Variants in FSTL4 observed in about 807,000 individuals in gnomAD.
FSTL4 encodes the protein follistatin like 4, also known as follistatin-related protein 4.
Under a neutral mutation model 78.2 loss-of-function variants are expected in FSTL4, and 28 were observed. That is an observed-to-expected ratio of 0.36 (90% CI 0.27 to 0.49). The LOEUF (loss-of-function observed/expected upper bound fraction) is 0.49. Among genes scored for constraint, FSTL4 ranks in the 20% least tolerant of loss-of-function variants. The pLI is 0.98. For synonymous variants in FSTL4, 422 were observed against 440.5 expected, an observed-to-expected ratio of 0.96 and a Z score of 0.53; for missense variants, 922 against 1,084.9, an observed-to-expected ratio of 0.85 and a Z score of 2.11.
chr5:133,538,596 A>T (rs73788135), intron 3 of FSTL4, among the ~76,000 whole-genome samples: 3 of 151,368 alleles, frequency 2.0e-5, no homozygotes, highest in African/African-American at 7.3e-5. Flanking sequence ...TATATTTCTT[A>T]TCTGGCATTC....
At chr5:133,405,724 C>T (rs1756347387) in intron 3 of FSTL4, among the ~76,000 whole-genome samples, 1 of 152,204 alleles carries the variant, frequency 6.6e-6, no homozygotes, top group Admixed American at 6.5e-5. Flanking sequence ...GAGTGCCTGT[C>T]AGTGTCGACT....
the FSTL4 span, among the ~76,000 whole-genome samples, chr5:133,709,220 G>C: frequency 1.3e-5 from 2 of 152,218 alleles, no homozygotes; most frequent in African/African-American, 4.8e-5. Context: ...TAAGAAGATG[G>C]GGAGGAAATG....
At chr5:133,721,051 GT>G in the FSTL4 span, 1 of 152,084 alleles carries the variant, frequency 6.6e-6, no homozygotes, top group African/African-American at 2.4e-5. Context: ...CCTCTCTGTG[GT>G]TTTAATTTGC....
the FSTL4 span, among the ~76,000 whole-genome samples, chr5:133,655,112 C>T: frequency 1.3e-5 from 2 of 152,212 alleles, no homozygotes; most frequent in Non-Finnish European, 2.9e-5. Context: ...TCCCCTACAC[C>T]TATTTCCTCC....
Position 133,567,124 on chromosome 5 carries a change from A to G in FSTL4, c.160+62T>C. 3 of 1,192,274 alleles carry G rather than the reference A, an allele frequency of 2.5e-6. No individual in the cohort carries two copies. The South Asian group carries it at 3.6e-5, about 14-fold the overall frequency. 73.9% of individuals were successfully genotyped at this position (1,192,274 alleles called of 1,614,324 possible). A position where few individuals can be genotyped will look rare whatever the true frequency, so the allele number is the denominator to read the frequency against. On this transcript the variant is annotated intron_variant, in intron 3 of 15. Transcript: ENST00000265342. ...ACAGTCTGAAGTTCATCTTAGTTTC[A>G]GCAAACTACTTCAAAAATGTCAACA... is the stretch of plus-strand genomic sequence containing the variant.
chr5:133,530,730 C>A (rs1759233778), intron 3 of FSTL4, among the ~76,000 whole-genome samples: 1 of 152,156 alleles, frequency 6.6e-6, no homozygotes, highest in Non-Finnish European at 1.5e-5. Context: ...CAACAGGGAC[C>A]CTTCACCATG....
At chr5:133,309,909 T>C (rs1377300831) in intron 6 of FSTL4, among the ~76,000 whole-genome samples, 1 of 152,238 alleles carries the variant, frequency 6.6e-6, no homozygotes, top group Non-Finnish European at 1.5e-5. Context: ...GTTTTTAAAA[T>C]TAAATCCAGA....
chr5:133,321,675 G>A (rs1754057442), intron 4 of FSTL4, among the ~76,000 whole-genome samples: 1 of 152,258 alleles, frequency 6.6e-6, no homozygotes, highest in African/African-American at 2.4e-5. Context: ...GCCATAAGGA[G>A]CCCTGAGCTG....
At chr5:133,235,330 C>A (rs1751624772) in intron 7 of FSTL4, among the ~76,000 whole-genome samples, 1 of 151,712 alleles carries the variant, frequency 6.6e-6, no homozygotes, top group African/African-American at 2.4e-5. Flanking sequence ...AAATACAAAA[C>A]AAACAAACAA....
chr5:133,605,887 C>T (rs1453251018), intron 1 of FSTL4, among the ~76,000 whole-genome samples: 1 of 152,076 alleles, frequency 6.6e-6, no homozygotes, highest in African/African-American at 2.4e-5. Flanking sequence ...AGCACCTGCC[C>T]CACACTCTGA....
At chr5:133,788,720 C>T in the FSTL4 span, among the ~76,000 whole-genome samples, 2 of 152,354 alleles carry the variant, frequency 1.3e-5, no homozygotes, top group East Asian at 1.9e-4. Context: ...TAAACACTTC[C>T]ACTACTTCTG....
the FSTL4 span, among the ~76,000 whole-genome samples, chr5:133,801,181 G>T: frequency 2.0e-5 from 3 of 152,046 alleles, no homozygotes; most frequent in Non-Finnish European, 4.4e-5. Context: ...CCACACATTG[G>T]TGCCCACTGC....
chr5:133,306,002 C>T (rs1753646913), intron 6 of FSTL4, among the ~76,000 whole-genome samples: 1 of 152,246 alleles, frequency 6.6e-6, no homozygotes, highest in Non-Finnish European at 1.5e-5. Flanking sequence ...CGGTGGTCTT[C>T]CTTCCGCATT....
At chr5:133,581,291 T>C (rs1760400576) in intron 2 of FSTL4, among the ~76,000 whole-genome samples, 1 of 152,220 alleles carries the variant, frequency 6.6e-6, no homozygotes, top group African/African-American at 2.4e-5. Context: ...CTGGCCCATC[T>C]GAGAATCCCA....
Position 133,334,526 on chromosome 5 carries a change from C to T in FSTL4, c.410-17874G>A, listed in dbSNP as rs1754421583. Among the ~76,000 whole-genome samples the T allele has an allele frequency of 2.0e-5, 3 of 152,056 alleles. No homozygotes were observed. The South Asian group carries it at 6.3e-4, about 32-fold the overall frequency. The stretch of plus-strand genomic sequence containing the variant: ...CACTGGTAAGATTCTGTCTTTTGAT[C>T]TGGGTGCTGGTTACGCAGATATGTT... On this transcript the variant is annotated intron_variant, in intron 4 of 15. Coordinates refer to ENST00000265342, the MANE Select transcript of FSTL4 (RefSeq NM_015082.2).
rs1753113852 is a variant in FSTL4, at chr5:133,285,792, T to C, written c.727+26862A>G. 2.0e-5 allele frequency among the ~76,000 whole-genome samples: 3 copies of C among 152,340 alleles called. No homozygotes were observed. In the South Asian group the frequency reaches 6.2e-4, roughly 32 times the overall value. On this transcript the variant is annotated intron_variant, in intron 6 of 15. Coordinates refer to ENST00000265342, the MANE Select transcript of FSTL4 (RefSeq NM_015082.2). ...CAGCTGCACCCAGCTCAGCACCACC[T>C]GGCCCGGTTTGGTGATTCACTTTCC...
rs560920458 is a variant in FSTL4 at position 133,551,556 on chromosome 5, T to C, written c.160+15630A>G. Among the ~76,000 whole-genome samples the C allele has an allele frequency of 2.0e-4, 31 of 152,320 alleles. 2 individuals are homozygous for C. The highest frequency in any genetic ancestry group is 2.0e-4 in the Admixed American group (3 of 15,302). ...CGGAGCCCGGATTAAAAGTTAGCCA[T>C]GCTCATGCTCCGCTGAGATGTCATC... On this transcript the variant is annotated intron_variant, in intron 3 of 15. Transcript: ENST00000265342.
intron 3 of FSTL4, among the ~76,000 whole-genome samples, chr5:133,551,804 CA>C (rs1240725440): frequency 6.6e-6 from 1 of 152,156 alleles, no homozygotes; most frequent in East Asian, 1.9e-4. Context: ...AACAAAATAT[CA>C]GTTGGAAATA....
intron 4 of FSTL4, among the ~76,000 whole-genome samples, chr5:133,375,312 AAAAGACTC>A (rs1755408078): frequency 9.7e-5 from 13 of 134,698 alleles, no homozygotes; most frequent in East Asian, 2.1e-4. Flanking sequence ...ATATATATAT[AAAAGACTC>A]TAAAGTTACA....
Sources: allele counts gnomAD v4.1 joint callset (sites outside exome capture counted in the v4.1 genomes callset), GRCh38; gene constraint gnomAD v4.1.1; transcripts MANE v1.5; gene names NCBI Gene and HGNC (gene_info 2026-07-23, HGNC 2026-07-21).